The following VPS13D variants were observed in gnomAD, a reference collection of about 807,000 sequenced individuals.
VPS13D encodes the protein vacuolar protein sorting 13 homolog D, also known as intermembrane lipid transfer protein VPS13D.
In VPS13D, 187 loss-of-function variants were observed where a neutral mutation model predicts 461.9. The observed-to-expected ratio is 0.40, with a 90% CI of 0.36 to 0.46. VPS13D has a LOEUF of 0.46. VPS13D is among the 20% of genes least tolerant of loss of function. The pLI is 0.60. For synonymous variants in VPS13D, 1,951 were observed against 1,986.3 expected (o/e 0.98, Z 0.47); for missense variants, 4,711 against 5,364.9 (o/e 0.88, Z 3.81).
chr1:12,306,700 A>G (rs1437580485), intron 26 of VPS13D, among the ~76,000 whole-genome samples: 1 of 152,186 alleles, frequency 6.6e-6, no homozygotes, highest in Non-Finnish European at 1.5e-5. Context: ...ACCCTAGAGC[A>G]GCAGTCCCCA....
chr1:12,245,588 G>A (rs548411810), intron 5 of VPS13D, among the ~76,000 whole-genome samples: 3 of 152,118 alleles, frequency 2.0e-5, no homozygotes, highest in South Asian at 4.1e-4. Flanking sequence ...GCTGGGCTTC[G>A]TGGCATGTAC....
chr1:12,321,693 T>C (rs1569899953), intron 32 of VPS13D, 116 bp from the exon 33 acceptor site: 1 of 1,110,782 alleles, frequency 9.0e-7, no homozygotes, highest in Admixed American at 2.7e-5. Flanking sequence ...CAGCAGTTGT[T>C]ATGGGTCTTA....
chr1:12,247,285 T>C, intron 5 of VPS13D, among the ~76,000 whole-genome samples: 1 of 151,932 alleles, frequency 6.6e-6, no homozygotes, highest in South Asian at 2.1e-4. Flanking sequence ...TGGTGGCATG[T>C]GCGTGTCGTC....
intron 64 of VPS13D, among the ~76,000 whole-genome samples, chr1:12,416,399 T>C (rs1216024523): frequency 6.6e-6 from 1 of 152,216 alleles, no homozygotes; most frequent in African/African-American, 2.4e-5. Flanking sequence ...GCTTCCTGTT[T>C]CATAGCTATT....
At chr1:12,499,868 T>C (rs1232108688) in intron 68 of VPS13D, 92 of 984,904 alleles carry the variant, frequency 9.3e-5, no homozygotes, top group Non-Finnish European at 1.1e-4. Flanking sequence ...AAGAAAGGAG[T>C]TTTCAGGAAA....
intron 17 of VPS13D, among the ~76,000 whole-genome samples, chr1:12,271,535 G>C (rs1448139491): frequency 2.6e-5 from 4 of 152,080 alleles, no homozygotes; most frequent in African/African-American, 7.2e-5. Flanking sequence ...TGGGCATGGT[G>C]GTGGGTCCCT....
chr1:12,362,614 A>G, intron 50 of VPS13D, 106 bp from the exon 51 acceptor site: 1 of 1,133,914 alleles, frequency 8.8e-7, no homozygotes, highest in South Asian at 1.5e-5. Context: ...TGATACAGTT[A>G]TTTTCTCAGA....
chr1:12,500,283 T>C (rs1646018876), intron 68 of VPS13D: 1 of 935,496 alleles, frequency 1.1e-6, no homozygotes, highest in Non-Finnish European at 1.3e-6. Flanking sequence ...ATTCCTCTGA[T>C]AAGTTGCACA....
chr1:12,253,014 C>A (rs974546161), intron 6 of VPS13D, among the ~76,000 whole-genome samples: 1 of 151,364 alleles, frequency 6.6e-6, no homozygotes, highest in Non-Finnish European at 1.5e-5. Flanking sequence ...CAAAGTTAGC[C>A]GGGCATGGTG....
chr1:12,462,644 C>T (rs777696724), intron 67 of VPS13D, among the ~76,000 whole-genome samples: 3 of 152,188 alleles, frequency 2.0e-5, no homozygotes, highest in Non-Finnish European at 4.4e-5. Flanking sequence ...CCTGGGTCTG[C>T]GAGGAGGGGG....
intron 18 of VPS13D, among the ~76,000 whole-genome samples, chr1:12,275,276 A>ATGG (rs1054901381): frequency 5.9e-5 from 9 of 151,892 alleles, no homozygotes; most frequent in Non-Finnish European, 1.0e-4. Flanking sequence ...TTAGCCGGGC[A>ATGG]TGGTGGTACA....
intron 35 of VPS13D, 63 bp from the exon 36 acceptor site, chr1:12,327,585 C>T (rs1020868762): frequency 6.0e-6 from 9 of 1,505,920 alleles, no homozygotes; most frequent in Admixed American, 1.8e-5. Flanking sequence ...TCTGTTTCCT[C>T]TGTGAGTGGC....
rs933513177 is a variant in VPS13D, at chr1:12,299,901, C to A, written c.6216+517C>A. 1.4e-5 allele frequency among the ~76,000 whole-genome samples: 2 copies of A among 138,672 alleles called. No individual in the cohort carries two copies. The highest frequency in any genetic ancestry group is 5.3e-5 in the African/African-American group (2 of 37,768). 91.0% of individuals were successfully genotyped at this position (138,672 alleles called of 152,430 possible). ...TTACAGTTTTAAATTACTGTGGCAC[C>A]TTTTTTTTTTTTTCAACTTTTGTTT... On this transcript the variant is annotated intron_variant, in intron 25 of 69. Coordinates refer to ENST00000620676, the MANE Select transcript of VPS13D (RefSeq NM_015378.4). This position sits in a 1 kb window ranked among gnomAD's most constrained non-coding sequence, Gnocchi z 4.2.
intron 65 of VPS13D, among the ~76,000 whole-genome samples, chr1:12,441,999 A>G (rs1645137644): frequency 6.6e-6 from 1 of 152,024 alleles, no homozygotes; most frequent in South Asian, 2.1e-4. Context: ...TTCTACTTAT[A>G]TTATGCTTAA....
intron 2 of VPS13D, among the ~76,000 whole-genome samples, chr1:12,240,078 A>G (rs187910015): frequency 5.0e-4 from 76 of 152,238 alleles, no homozygotes; most frequent in African/African-American, 1.8e-3. Flanking sequence ...CTGTTTTGCC[A>G]GATTCATTTG....
At chr1:12,298,583 AGTGAGCTGAAATT>A (rs1642339758) in intron 24 of VPS13D, among the ~76,000 whole-genome samples, 1 of 151,944 alleles carries the variant, frequency 6.6e-6, no homozygotes, top group Non-Finnish European at 1.5e-5. Flanking sequence ...TGGAGTTTGT[AGTGAGCTGAAATT>A]GTGCCACTGT....
chr1:12,260,380 AC>A (rs1641071075), intron 10 of VPS13D, among the ~76,000 whole-genome samples: 1 of 150,142 alleles, frequency 6.7e-6, no homozygotes, highest in Non-Finnish European at 1.5e-5. Context: ...CTCTCCATTC[AC>A]CATTCATCTC....
chr1:12,480,875 C>CT (rs1369016288), intron 67 of VPS13D, among the ~76,000 whole-genome samples: 1 of 152,170 alleles, frequency 6.6e-6, no homozygotes, highest in East Asian at 1.9e-4. Flanking sequence ...CTGAGCAATC[C>CT]TTTGGAAAGG....
chr1:12,381,895 TGTC>T (rs1644276834), intron 57 of VPS13D, among the ~76,000 whole-genome samples: 1 of 140,802 alleles, frequency 7.1e-6, no homozygotes, highest in Non-Finnish European at 1.6e-5. Context: ...TCAGTCAGTC[TGTC>T]TTTTTTTCTT....
Sources: allele counts gnomAD v4.1 joint callset (sites outside exome capture counted in the v4.1 genomes callset), GRCh38; gene constraint gnomAD v4.1.1; non-coding constraint Gnocchi (gnomAD v3.1); transcripts MANE v1.5; gene names NCBI Gene and HGNC (gene_info 2026-07-23, HGNC 2026-07-21).